PIEZO2: variants seen among roughly 807,000 people sequenced by gnomAD.
PIEZO2 encodes the protein piezo type mechanosensitive ion channel component 2.
In PIEZO2, 172 loss-of-function variants were observed where a neutral mutation model predicts 337.3. The observed-to-expected ratio is 0.51, with a 90% CI of 0.45 to 0.58. The LOEUF is 0.58. PIEZO2 is among the 20% of genes least tolerant of loss of function. The probability of loss-of-function intolerance (pLI) is 0.00; values close to 1 mark genes in which losing one functional copy is unlikely to be tolerated. For synonymous variants in PIEZO2, 1,251 were observed against 1,228.5 expected (o/e 1.02, Z -0.38); for missense variants, 3,028 against 3,391.3 (o/e 0.89, Z 2.66).
chr18:11,136,002 G>A (rs1232363458), intron 1 of PIEZO2, among the ~76,000 whole-genome samples: 1 of 152,128 alleles, frequency 6.6e-6, no homozygotes, highest in Non-Finnish European at 1.5e-5. Context: ...TAATAAGTTT[G>A]GAAGGATACA....
rs758206092 is a variant in PIEZO2 at position 10,681,646 on chromosome 18, T to C, written c.7779+15A>G. 6 of 1,552,306 alleles carry C rather than the reference T, an allele frequency of 3.9e-6. No individual in the cohort carries two copies. The highest frequency in any genetic ancestry group is 1.4e-5 in the African/African-American group (1 of 73,642). On this transcript the variant is annotated intron_variant, in intron 51 of 55. Transcript: ENST00000674853. ...GAGAGGTCTTCACAGAAATCTACTA[T>C]AGGGATTTACTTACGGTGTCCCTAG...
At chr18:10,799,959 C>A (rs543632710) in intron 11 of PIEZO2, among the ~76,000 whole-genome samples, 4 of 121,094 alleles carry the variant, frequency 3.3e-5, no homozygotes, top group African/African-American at 6.3e-5. Context: ...GGAGACAGAG[C>A]GAGACTCTGT....
chr18:11,113,665 C>A (rs562938108), intron 1 of PIEZO2, among the ~76,000 whole-genome samples: 1 of 152,318 alleles, frequency 6.6e-6, no homozygotes, highest in East Asian at 1.9e-4. Flanking sequence ...GAAGATTCTC[C>A]TTACCTGAGT....
At chr18:10,712,312 A>G (rs1181214359) in intron 39 of PIEZO2, among the ~76,000 whole-genome samples, 1 of 152,218 alleles carries the variant, frequency 6.6e-6, no homozygotes, top group Admixed American at 6.5e-5. Flanking sequence ...TAGCTGGACT[A>G]CTTAAGAGCT....
rs757640823 is a variant in PIEZO2, at chr18:10,967,907, G to GATTATT, written c.286+11622_286+11627dup. On this transcript the variant is annotated intron_variant, in intron 3 of 55. Coordinates refer to ENST00000674853, the MANE Select transcript of PIEZO2 (RefSeq NM_001378183.1). ...CTGTGGGTTGTCTGTTTACTCTGCT[G>GATTATT]ATTATTATTATTATTATTATTACTT... is the stretch of plus-strand genomic sequence containing the variant. Among the ~76,000 whole-genome samples, 74 of 151,564 alleles carry GATTATT rather than the reference G, an allele frequency of 4.9e-4. 1 individual carries two copies. The highest frequency in any genetic ancestry group is 8.7e-4 in the Non-Finnish European group (59 of 67,814).
At chr18:10,793,397 G>A (rs2039476276) in intron 13 of PIEZO2, among the ~76,000 whole-genome samples, 1 of 152,128 alleles carries the variant, frequency 6.6e-6, no homozygotes, top group Non-Finnish European at 1.5e-5. Context: ...CAGAACCTAG[G>A]TTCCCGGAGT....
chr18:10,726,526 G>GCTGCTCTGCT lies in PIEZO2; in HGVS notation c.5029+4871_5029+4880dup, dbSNP rs546595778. ...AGCAGCCGTTCCTGTGGCGCGCTGCGCTGCTCTGCTCTGCTACACCAGCCG... is the reference window on the plus strand; with the variant it reads ...AGCAGCCGTTCCTGTGGCGCGCTGCGCTGCTCTGCTCTGCTCTGCTCTGCTACACCAGCCG... On this transcript the variant is annotated intron_variant, in intron 36 of 55. Coordinates refer to ENST00000674853, the MANE Select transcript of PIEZO2 (RefSeq NM_001378183.1). This position sits in a 1 kb window ranked among gnomAD's most constrained non-coding sequence, Gnocchi z 5.9. 2.0e-6 allele frequency: 3 copies of GCTGCTCTGCT among 1,470,056 alleles called. No homozygotes were observed. Among genetic ancestry groups the GCTGCTCTGCT allele is most frequent in the Middle Eastern group, 4.5e-4 (2 of 4,472 alleles). 91.1% of individuals were successfully genotyped at this position (1,470,056 alleles called of 1,614,324 possible).
intron 4 of PIEZO2, among the ~76,000 whole-genome samples, chr18:10,874,396 C>G (rs1410810583): frequency 6.6e-6 from 1 of 152,092 alleles, no homozygotes; most frequent in African/African-American, 2.4e-5. Flanking sequence ...CTATAGAAAA[C>G]AGCATGGAGG....
chr18:10,789,398 C>T, intron 14 of PIEZO2, 33 bp from the exon 15 acceptor site: 1 of 1,516,546 alleles, frequency 6.6e-7, no homozygotes, highest in Non-Finnish European at 8.8e-7. Context: ...TTATACTTAG[C>T]TGGTTATCTG....
chr18:11,148,565 C>T lies in PIEZO2; in HGVS notation c.24G>A (p.Gly8=). MASEVVC[G]LIFRLLLPIC... ...TGGGCAGCAGCAGCCTGAAGATGAG[C>T]CCGCACACCACTTCTGAGGCCATCG... The change falls in exon 1 of 56, where the codon GGG becomes GGA. Residue 8 remains glycine (G), a synonymous_variant. Coordinates refer to ENST00000674853, the MANE Select transcript of PIEZO2 (RefSeq NM_001378183.1). The surrounding 1 kb of genome is among the most constrained non-coding windows in gnomAD (Gnocchi z 5.2). 1 of 1,537,200 alleles carries T rather than the reference C, an allele frequency of 6.5e-7. No homozygotes were observed. Among genetic ancestry groups the T allele is most frequent in the Non-Finnish European group, 8.7e-7 (1 of 1,146,908 alleles).
intron 1 of PIEZO2, among the ~76,000 whole-genome samples, chr18:11,117,135 A>G (rs953510349): frequency 3.3e-5 from 5 of 152,208 alleles, no homozygotes; most frequent in African/African-American, 1.2e-4. Flanking sequence ...ATTTCAAAGT[A>G]GCTAAGAGAG....
In PIEZO2 at chr18:10,849,156, G is replaced by C. The variant is rs545408953; in HGVS notation, c.917+6197C>G. Among the ~76,000 whole-genome samples the C allele has an allele frequency of 2.2e-4, 34 of 152,122 alleles. 1 individual carries two copies. The South Asian group carries it at 3.9e-3, about 18-fold the overall frequency. ...GCATCCCGAGTAGCTGGGTCTACAG[G>C]TGTGTGGCACCACGCCCAGCTCATT... On this transcript the variant is annotated intron_variant, in intron 7 of 55. Transcript: ENST00000674853.
chr18:10,807,087 A>T (rs1260329556), intron 8 of PIEZO2, 25 bp downstream of exon 8: 1 of 1,525,766 alleles, frequency 6.6e-7, no homozygotes, highest in African/African-American at 1.4e-5. Context: ...TGCAGACAAG[A>T]TCATGAAAAT....
chr18:10,850,792 C>G lies in PIEZO2; in HGVS notation c.917+4561G>C, dbSNP rs1280566277. ...TTCTGAAAAAAATTTGGCTAAAAAG[C>G]AATAGTATTTATTTCTGGGAATAAG... On this transcript the variant is annotated intron_variant, in intron 7 of 55. Transcript: ENST00000674853. This position sits in a 1 kb window ranked among gnomAD's most constrained non-coding sequence, Gnocchi z 4.5. Among the ~76,000 whole-genome samples the G allele has an allele frequency of 1.3e-5, 2 of 151,958 alleles. No individual in the cohort carries two copies. The highest frequency in any genetic ancestry group is 2.9e-5 in the Non-Finnish European group (2 of 67,972).
Position 10,736,563 on chromosome 18 carries a change from G to A in PIEZO2, c.4815+41C>T, listed in dbSNP as rs777653356. On this transcript the variant is annotated intron_variant, in intron 34 of 55. Coordinates refer to ENST00000674853, the MANE Select transcript of PIEZO2 (RefSeq NM_001378183.1). The stretch of plus-strand genomic sequence containing the variant: ...CAATGAAGGTCCGTCAATAAGAAAA[G>A]CTCTTCCAACTAGCAAAGAAATGAT... 8 of 1,535,666 alleles carry A rather than the reference G, an allele frequency of 5.2e-6. No individual in the cohort carries two copies. In the East Asian group the frequency reaches 1.7e-4, roughly 33 times the overall value.
Position 10,691,275 on chromosome 18 carries a change from C to T in PIEZO2, c.7299G>A (p.Gly2433=). 1 of 1,614,018 alleles carries T rather than the reference C, an allele frequency of 6.2e-7. No homozygotes were observed. Among genetic ancestry groups the T allele is most frequent in the Non-Finnish European group, 8.5e-7 (1 of 1,179,974 alleles). Residue 2433 remains glycine (G), a synonymous_variant, in exon 48 of 56, where the codon GGG becomes GGA. Transcript: ENST00000674853. ...IRCGYPTRVL[G]NFLTKSYNYV... is the part of the protein sequence containing the mutation. ...AATTGTAGCTCTTGGTGAGGAAGTTCCCCAGGACTCGCGTTGGGTAGCCAC... is the reference window on the plus strand; with the variant it reads ...AATTGTAGCTCTTGGTGAGGAAGTTTCCCAGGACTCGCGTTGGGTAGCCAC...
In PIEZO2 at chr18:10,682,247, A is replaced by G; in HGVS notation, c.7543T>C (p.Tyr2515His). ...RGQKKKKVVKYGMGGMIIVLL... is the reference protein window; with the variant it reads ...RGQKKKKVVKHGMGGMIIVLL... Reference sequence around the variant, plus strand: ...ACGATGATCATTCCTCCCATGCCATACTTCACCACTTTCTTCTTCTTCTGG... The same window carrying G: ...ACGATGATCATTCCTCCCATGCCATGCTTCACCACTTTCTTCTTCTTCTGG... Residue 2515 changes from tyrosine (Y) to histidine (H), a missense_variant, in exon 50 of 56, where the codon TAT becomes CAT. Physicochemically the swap from Tyr to His is moderately conservative, Grantham distance 83 (BLOSUM62 2). Coordinates refer to ENST00000674853, the MANE Select transcript of PIEZO2 (RefSeq NM_001378183.1). This position sits in a 1 kb window ranked among gnomAD's most constrained non-coding sequence, Gnocchi z 5.6. 1 of 1,537,182 alleles carries G rather than the reference A, an allele frequency of 6.5e-7. No individual in the cohort carries two copies. The highest frequency in any genetic ancestry group is 8.7e-7 in the Non-Finnish European group (1 of 1,146,868).
chr18:11,046,413 C>G (rs368766724), intron 2 of PIEZO2, among the ~76,000 whole-genome samples: 2 of 152,222 alleles, frequency 1.3e-5, no homozygotes, highest in African/African-American at 4.8e-5. Context: ...CTTCTAATAA[C>G]CTGGCTGTTG....
chr18:10,774,065 G>GA (rs1475449821), intron 18 of PIEZO2, 27 bp from the exon 19 acceptor site: 6 of 699,668 alleles, frequency 8.6e-6, no homozygotes, highest in Non-Finnish European at 1.6e-5. Flanking sequence ...AAATAGAAAG[G>GA]AAAAAAAGGA....
Sources: gnomAD v4.1 joint callset for allele counts (sites outside exome capture counted in the v4.1 genomes callset) on GRCh38, gnomAD v4.1.1 for gene constraint, Gnocchi (gnomAD v3.1) non-coding constraint, MANE v1.5 for transcripts, NCBI Gene and HGNC (gene_info 2026-07-23, HGNC 2026-07-21) for gene names.